Variants in TMEM117 observed in about 807,000 individuals in gnomAD.
TMEM117 encodes transmembrane protein 117.
In TMEM117, 27 loss-of-function variants were observed where a neutral mutation model predicts 52.4. The observed-to-expected ratio is 0.51, with a 90% CI of 0.38 to 0.71. The LOEUF (loss-of-function observed/expected upper bound fraction) is 0.71, where lower values mean the gene tolerates loss of function less well. TMEM117 is among the 30% of genes least tolerant of loss of function. TMEM117 has a pLI of 0.00. For missense variants in TMEM117, 556 were observed against 630.5 expected (o/e 0.88, Z 1.26); for synonymous variants, 215 against 206.3 (o/e 1.04, Z -0.36).
intron 4 of TMEM117, among the ~76,000 whole-genome samples, chr12:44,159,585 G>T (rs1948872223): frequency 1.3e-5 from 2 of 151,998 alleles, no homozygotes; most frequent in African/African-American, 2.4e-5. Context: ...TGAAGGCTTT[G>T]CCCATTCATG....
At chr12:44,159,464 T>G (rs1034480888) in intron 4 of TMEM117, among the ~76,000 whole-genome samples, 8 of 152,280 alleles carry the variant, frequency 5.3e-5, no homozygotes, top group Non-Finnish European at 8.8e-5. Flanking sequence ...GTGTGAATGG[T>G]TAATCAAGCT....
intron 5 of TMEM117, among the ~76,000 whole-genome samples, chr12:44,255,121 G>A (rs913747560): frequency 5.9e-5 from 9 of 152,098 alleles, no homozygotes; most frequent in Non-Finnish European, 1.0e-4. Context: ...ATAAACATAC[G>A]TGTGCATGTG....
At chr12:44,247,903 T>G (rs1015199570) in intron 5 of TMEM117, among the ~76,000 whole-genome samples, 1 of 152,182 alleles carries the variant, frequency 6.6e-6, no homozygotes, top group African/African-American at 2.4e-5. Context: ...CCCACCGCCT[T>G]GCCTGTGGAA....
At chr12:44,154,013 G>A (rs1948791309) in intron 4 of TMEM117, among the ~76,000 whole-genome samples, 2 of 151,970 alleles carry the variant, frequency 1.3e-5, no homozygotes, top group Non-Finnish European at 2.9e-5. Context: ...ATATCTGAAA[G>A]CTGATTAGGA....
chr12:44,149,449 CCTT>C (rs1948690706), intron 4 of TMEM117, among the ~76,000 whole-genome samples: 1 of 152,046 alleles, frequency 6.6e-6, no homozygotes, highest in African/African-American at 2.4e-5. Flanking sequence ...ATAAAGTATT[CCTT>C]CTAGCTTAAA....
At chr12:44,188,574 C>T (rs1949308920) in intron 4 of TMEM117, among the ~76,000 whole-genome samples, 1 of 152,070 alleles carries the variant, frequency 6.6e-6, no homozygotes, top group South Asian at 2.1e-4. Flanking sequence ...ACTTTAGTAA[C>T]AAGCTTCCTT....
intron 3 of TMEM117, among the ~76,000 whole-genome samples, chr12:44,074,965 T>A (rs1367026909): frequency 1.3e-5 from 2 of 152,128 alleles, no homozygotes; most frequent in African/African-American, 4.8e-5. Context: ...CATGAATGCA[T>A]TATTGTTTCT....
intron 4 of TMEM117, among the ~76,000 whole-genome samples, chr12:44,165,170 A>G (rs995850905): frequency 9.2e-5 from 14 of 152,142 alleles, no homozygotes; most frequent in African/African-American, 3.4e-4. Context: ...CATATGAGTG[A>G]CAATATGGTG....
intron 4 of TMEM117, among the ~76,000 whole-genome samples, chr12:44,157,287 T>G (rs1315335017): frequency 6.6e-6 from 1 of 152,128 alleles, no homozygotes; most frequent in Non-Finnish European, 1.5e-5. Context: ...GGGTGGCTTA[T>G]TTTTAGTAAT....
intron 3 of TMEM117, among the ~76,000 whole-genome samples, chr12:44,064,619 T>G (rs1171445811): frequency 3.3e-5 from 5 of 150,170 alleles, no homozygotes; most frequent in African/African-American, 7.5e-5. Flanking sequence ...TAAAAATCTG[T>G]TTTTTTTAAA....
intron 3 of TMEM117, among the ~76,000 whole-genome samples, chr12:43,977,303 C>T (rs1452765956): frequency 1.3e-5 from 2 of 152,126 alleles, no homozygotes; most frequent in Non-Finnish European, 2.9e-5. Context: ...GAAGCTGCAT[C>T]ATCCAGGGCT....
At chr12:44,311,950 G>A (rs1458161603) in intron 6 of TMEM117, among the ~76,000 whole-genome samples, 1 of 146,324 alleles carries the variant, frequency 6.8e-6, no homozygotes, top group Non-Finnish European at 1.5e-5. Flanking sequence ...CATTCTTTTG[G>A]CATTTGATGG....
chr12:44,178,254 T>C (rs1467286581), intron 4 of TMEM117, among the ~76,000 whole-genome samples: 1 of 152,216 alleles, frequency 6.6e-6, no homozygotes, highest in African/African-American at 2.4e-5. Flanking sequence ...CACTGACAAC[T>C]AAACTTTGTC....
At chr12:43,987,990 T>C (rs1036003344) in intron 3 of TMEM117, among the ~76,000 whole-genome samples, 1 of 152,130 alleles carries the variant, frequency 6.6e-6, no homozygotes, top group Non-Finnish European at 1.5e-5. Flanking sequence ...CCAGTTTCAA[T>C]TTGTCAGGGT....
intron 5 of TMEM117, among the ~76,000 whole-genome samples, chr12:44,235,255 T>C (rs1237755391): frequency 6.6e-6 from 1 of 151,672 alleles, no homozygotes; most frequent in Non-Finnish European, 1.5e-5. Context: ...ACCCTTTTTC[T>C]TTTGTTGTCA....
intron 6 of TMEM117, among the ~76,000 whole-genome samples, chr12:44,329,639 T>C (rs1438321813): frequency 6.6e-6 from 1 of 152,098 alleles, no homozygotes; most frequent in African/African-American, 2.4e-5. Context: ...TCTGAAACTC[T>C]GTGTCCACTA....
chr12:43,823,966 T>G, the TMEM117 span, among the ~76,000 whole-genome samples: 8 of 152,234 alleles, frequency 5.3e-5, no homozygotes, highest in African/African-American at 1.9e-4. Flanking sequence ...GACAAATTAC[T>G]TACATTAGTA....
At chr12:44,199,390 T>C (rs1055013482) in intron 4 of TMEM117, among the ~76,000 whole-genome samples, 3 of 152,212 alleles carry the variant, frequency 2.0e-5, no homozygotes, top group African/African-American at 7.2e-5. Context: ...TTGGCATTAA[T>C]TGGCTATACA....
At chr12:43,882,639 C>T (rs1943918248) in intron 2 of TMEM117, among the ~76,000 whole-genome samples, 1 of 152,024 alleles carries the variant, frequency 6.6e-6, no homozygotes, top group Non-Finnish European at 1.5e-5. Context: ...TTGCTCTTCT[C>T]TAAGAGGTTT....
Sources: allele counts gnomAD v4.1 joint callset (sites outside exome capture counted in the v4.1 genomes callset), GRCh38; gene constraint gnomAD v4.1.1; transcripts MANE v1.5; gene names NCBI Gene and HGNC (gene_info 2026-07-23, HGNC 2026-07-21).